N4BP2L1: variants seen among roughly 807,000 people sequenced by gnomAD.
The protein encoded by N4BP2L1 is NEDD4-binding protein 2-like 1.
A neutral mutation model predicts 21.2 loss-of-function variants in N4BP2L1; 12 were observed. That is an observed-to-expected ratio of 0.57 (90% CI 0.36 to 0.92). The LOEUF (loss-of-function observed/expected upper bound fraction) is 0.92, where lower values mean the gene tolerates loss of function less well. N4BP2L1 is among the 40% of genes least tolerant of loss of function. The pLI, the probability that N4BP2L1 is intolerant of heterozygous loss-of-function variation, is 0.01. For missense variants in N4BP2L1, 259 were observed against 310.6 expected, an observed-to-expected ratio of 0.83 and a Z score of 1.25; for synonymous variants, 104 against 112.8, an observed-to-expected ratio of 0.92 and a Z score of 0.49.
chr13:32,406,217 C>G lies in N4BP2L1; in HGVS notation c.396+1033G>C, dbSNP rs556600112. On this transcript the variant is annotated intron_variant, in intron 3 of 4. Coordinates refer to ENST00000380130, the MANE Select transcript of N4BP2L1 (RefSeq NM_052818.3). ...AGCCACCGCACCCGGCCTTCCTGCC[C>G]CATTTTTATGGTTCTGGATCCTTCC... Among the ~76,000 whole-genome samples, 29 of 151,968 alleles carry G rather than the reference C, an allele frequency of 1.9e-4. No individual in the cohort carries two copies. In the East Asian group the frequency reaches 4.9e-3, roughly 26 times the overall value.
chr13:32,406,846 C>A, intron 3 of N4BP2L1: 1 of 170,370 alleles, frequency 5.9e-6, no homozygotes, highest in Non-Finnish European at 1.3e-5. Context: ...GTGGAAATTC[C>A]CGGCTCACCA....
intron 1 of N4BP2L1, chr13:32,411,549 G>T (rs2073860254): frequency 2.0e-6 from 2 of 985,400 alleles, no homozygotes; most frequent in Admixed American, 6.1e-5. Flanking sequence ...CTTCAGAAGT[G>T]ATGAGGGTTA....
At chr13:32,416,189 T>A (rs1413430511) in intron 1 of N4BP2L1, among the ~76,000 whole-genome samples, 6 of 152,254 alleles carry the variant, frequency 3.9e-5, no homozygotes, top group Non-Finnish European at 8.8e-5. Flanking sequence ...ATATAGCCAA[T>A]GTTTATTAAG....
At chr13:32,422,677 G>C (rs1184066050) in intron 1 of N4BP2L1, among the ~76,000 whole-genome samples, 2 of 152,092 alleles carry the variant, frequency 1.3e-5, no homozygotes, top group Admixed American at 1.3e-4. Context: ...CAATGAGCAA[G>C]AACAAGCACA....
chr13:32,409,191 A>C (rs997055461), intron 1 of N4BP2L1, among the ~76,000 whole-genome samples: 2 of 152,242 alleles, frequency 1.3e-5, no homozygotes, highest in African/African-American at 4.8e-5. Context: ...GAAAGACAAA[A>C]CTAAAGTAAA....
chr13:32,428,272 G>A, upstream of N4BP2L1: 2 of 451,306 alleles, frequency 4.4e-6, no homozygotes, highest in Non-Finnish European at 3.7e-6. Flanking sequence ...GGAAAGCTGG[G>A]GACGCTGGGA....
intron 1 of N4BP2L1, among the ~76,000 whole-genome samples, chr13:32,409,092 CCAGACT>C (rs2073700005): frequency 6.6e-6 from 1 of 152,166 alleles, no homozygotes; most frequent in Admixed American, 6.5e-5. Flanking sequence ...ATTGACCAAC[CCAGACT>C]GTTTCTACGC....
At chr13:32,426,296 T>C (rs2074759757) in intron 1 of N4BP2L1, among the ~76,000 whole-genome samples, 1 of 152,164 alleles carries the variant, frequency 6.6e-6, no homozygotes, top group Admixed American at 6.5e-5. Context: ...AAAGTGAAAT[T>C]AAACAGGATT....
At chr13:32,429,169 A>G (rs1354517945), upstream of N4BP2L1, among the ~76,000 whole-genome samples, 3 of 152,262 alleles carry the variant, frequency 2.0e-5, no homozygotes, top group Admixed American at 6.5e-5. Flanking sequence ...ATTTCCTTCT[A>G]AAACAAAATC....
intron 1 of N4BP2L1, among the ~76,000 whole-genome samples, chr13:32,408,122 G>A (rs967620352): frequency 6.6e-6 from 1 of 152,178 alleles, no homozygotes; most frequent in African/African-American, 2.4e-5. Flanking sequence ...ACCAATCCCG[G>A]TGCCCATTCC....
At chr13:32,405,893 T>C (rs9567666) in intron 3 of N4BP2L1, among the ~76,000 whole-genome samples, 4,505 of 38,436 alleles carry the variant, frequency 0.12, 157 homozygotes, top group East Asian at 0.33. Flanking sequence ...TCCTGCCCCC[T>C]TTTTTTTTTT....
intron 3 of N4BP2L1, among the ~76,000 whole-genome samples, chr13:32,405,250 C>G (rs2073404326): frequency 6.6e-6 from 1 of 152,124 alleles, no homozygotes; most frequent in Non-Finnish European, 1.5e-5. Flanking sequence ...TGGCTCACAC[C>G]TGTAATCCCA....
chr13:32,414,257 T>C (rs552936117), intron 1 of N4BP2L1, among the ~76,000 whole-genome samples: 2 of 152,352 alleles, frequency 1.3e-5, no homozygotes, highest in South Asian at 4.1e-4. Context: ...TTTAATGATA[T>C]GGCATACTTA....
chr13:32,410,408 T>C (rs543097792), intron 1 of N4BP2L1, among the ~76,000 whole-genome samples: 1 of 152,336 alleles, frequency 6.6e-6, no homozygotes, highest in East Asian at 1.9e-4. Flanking sequence ...CTGGCCCACA[T>C]TGAAGGGCGA....
chr13:32,423,557 G>GT (rs1438604023), intron 1 of N4BP2L1, among the ~76,000 whole-genome samples: 2 of 152,188 alleles, frequency 1.3e-5, no homozygotes, highest in Non-Finnish European at 2.9e-5. Context: ...TAAAAAGGAT[G>GT]TTTTAGTGGT....
chr13:32,420,901 G>A (rs954970443), intron 1 of N4BP2L1, among the ~76,000 whole-genome samples: 1 of 152,134 alleles, frequency 6.6e-6, no homozygotes, highest in Non-Finnish European at 1.5e-5. Context: ...CACCATGTTG[G>A]CCAGGATGGT....
chr13:32,407,160 T>C (rs2073565087), intron 3 of N4BP2L1, 90 bp downstream of exon 3: 5 of 1,304,998 alleles, frequency 3.8e-6, no homozygotes, highest in African/African-American at 1.5e-5. Context: ...TATGAAATCA[T>C]GGAACATCAG....
At chr13:32,428,554 C>T (rs1185411177), upstream of N4BP2L1, among the ~76,000 whole-genome samples, 3 of 152,198 alleles carry the variant, frequency 2.0e-5, no homozygotes, top group Non-Finnish European at 2.9e-5. Flanking sequence ...CATTGTCTCC[C>T]CCGATTTGTG....
At chr13:32,423,153 T>C (rs1166448003) in intron 1 of N4BP2L1, among the ~76,000 whole-genome samples, 3 of 152,164 alleles carry the variant, frequency 2.0e-5, no homozygotes, top group Non-Finnish European at 4.4e-5. Flanking sequence ...TTTCTCCCCA[T>C]CTCCGCCTTA....
Sources: allele counts gnomAD v4.1 joint callset (sites outside exome capture counted in the v4.1 genomes callset), GRCh38; gene constraint gnomAD v4.1.1; transcripts MANE v1.5; gene names NCBI Gene and HGNC (gene_info 2026-07-23, HGNC 2026-07-21).